The following FAM13C variants were observed in gnomAD, a reference collection of about 807,000 sequenced individuals.
FAM13C encodes the protein family with sequence similarity 13 member C.
A neutral mutation model predicts 73.2 loss-of-function variants in FAM13C; 37 were observed. That is an observed-to-expected ratio of 0.51 (90% CI 0.39 to 0.67). The LOEUF (loss-of-function observed/expected upper bound fraction) is 0.67, where lower values mean the gene tolerates loss of function less well. Among genes scored for constraint, FAM13C ranks in the 30% least tolerant of loss-of-function variants. The pLI is 0.00. For missense variants in FAM13C, 589 were observed against 715.6 expected (o/e 0.82, Z 2.02); for synonymous variants, 246 against 260.9 (o/e 0.94, Z 0.55).
chr10:59,360,013 TG>T (rs1856201114), intron 1 of FAM13C, among the ~76,000 whole-genome samples: 1 of 152,134 alleles, frequency 6.6e-6, no homozygotes, highest in Admixed American at 6.5e-5. Flanking sequence ...ATGAAAACAT[TG>T]GGGTGGAAAA....
intron 3 of FAM13C, among the ~76,000 whole-genome samples, chr10:59,347,824 G>C (rs1013837621): frequency 6.6e-6 from 1 of 152,082 alleles, no homozygotes; most frequent in African/African-American, 2.4e-5. Context: ...ATGGTTTCCA[G>C]CTTCATCCAT....
At chr10:59,348,248 A>G (rs570942360) in intron 3 of FAM13C, among the ~76,000 whole-genome samples, 58 of 152,346 alleles carry the variant, frequency 3.8e-4, no homozygotes, top group African/African-American at 1.4e-3. Context: ...ATTAGAACTC[A>G]GTGTTTTGAT....
intron 3 of FAM13C, among the ~76,000 whole-genome samples, chr10:59,326,953 T>C (rs1447578197): frequency 6.6e-6 from 1 of 152,212 alleles, no homozygotes. Context: ...TTCTAAGATA[T>C]CATCAATTAT....
rs374414294 is a variant in FAM13C at position 59,283,000 on chromosome 10, T to C, written c.592+363A>G. Among the ~76,000 whole-genome samples, 4 of 152,220 alleles carry C rather than the reference T, an allele frequency of 2.6e-5. No homozygotes were observed. In the South Asian group the frequency reaches 8.3e-4, roughly 32 times the overall value. On this transcript the variant is annotated intron_variant, in intron 6 of 13. Coordinates refer to ENST00000618804, the MANE Select transcript of FAM13C (RefSeq NM_198215.4). ...ATCCTCAACACATCAAAAAGAAGAA[T>C]TTCAAGACAGCACAGGTTATCTAGG... is the stretch of plus-strand genomic sequence containing the variant.
intron 3 of FAM13C, among the ~76,000 whole-genome samples, chr10:59,325,808 C>T (rs1361643301): frequency 6.6e-6 from 1 of 152,056 alleles, no homozygotes; most frequent in African/African-American, 2.4e-5. Context: ...GAACCTAGTG[C>T]TCAGTTAATC....
At chr10:59,262,119 T>C (rs1272295038) in intron 10 of FAM13C, among the ~76,000 whole-genome samples, 1 of 152,192 alleles carries the variant, frequency 6.6e-6, no homozygotes, top group Non-Finnish European at 1.5e-5. Context: ...ACTATGCCTA[T>C]TTCCTAGTCT....
intron 6 of FAM13C, among the ~76,000 whole-genome samples, chr10:59,272,605 G>T (rs1226834755): frequency 6.6e-6 from 1 of 152,182 alleles, no homozygotes; most frequent in African/African-American, 2.4e-5. Context: ...GGGGCAGCTT[G>T]CCAGGACTCA....
At chr10:59,299,567 T>C (rs1847313985) in intron 5 of FAM13C, among the ~76,000 whole-genome samples, 1 of 152,096 alleles carries the variant, frequency 6.6e-6, no homozygotes, top group African/African-American at 2.4e-5. Flanking sequence ...AAATATGTTA[T>C]TTTTCTTAAT....
At chr10:59,347,759 T>C (rs1854505783) in intron 3 of FAM13C, among the ~76,000 whole-genome samples, 1 of 151,818 alleles carries the variant, frequency 6.6e-6, no homozygotes, top group African/African-American at 2.4e-5. Flanking sequence ...CTCCCACTTA[T>C]GAGTGAGAAC....
intron 3 of FAM13C, among the ~76,000 whole-genome samples, chr10:59,331,125 C>T (rs765225454): frequency 6.6e-6 from 1 of 152,136 alleles, no homozygotes; most frequent in Non-Finnish European, 1.5e-5. Context: ...GTCAAGTTAG[C>T]AGTGGCAATG....
chr10:59,255,900 ACTT>A (rs1180570055), intron 10 of FAM13C, among the ~76,000 whole-genome samples: 1 of 152,122 alleles, frequency 6.6e-6, no homozygotes, highest in African/African-American at 2.4e-5. Context: ...CATATCACAT[ACTT>A]CTTTAAATTC....
intron 5 of FAM13C, among the ~76,000 whole-genome samples, chr10:59,284,014 C>G (rs1354419646): frequency 6.7e-6 from 1 of 149,740 alleles, no homozygotes; most frequent in Non-Finnish European, 1.5e-5. Flanking sequence ...CCCTAGTCCA[C>G]ATTGGTATGC....
chr10:59,266,944 C>A (rs1727111018), intron 8 of FAM13C, among the ~76,000 whole-genome samples: 1 of 152,132 alleles, frequency 6.6e-6, no homozygotes, highest in Non-Finnish European at 1.5e-5. Context: ...TTCCTTTGTA[C>A]CAAACACTGT....
At chr10:59,270,909 C>T (rs1016380495) in intron 6 of FAM13C, among the ~76,000 whole-genome samples, 1 of 152,174 alleles carries the variant, frequency 6.6e-6, no homozygotes, top group Non-Finnish European at 1.5e-5. Context: ...ATCTCTGTCC[C>T]TGAATTCTCA....
intron 6 of FAM13C, 78 bp downstream of exon 6, chr10:59,283,285 C>T: frequency 6.8e-7 from 1 of 1,480,698 alleles, no homozygotes; most frequent in Non-Finnish European, 9.4e-7. Flanking sequence ...CTCAGGGGCT[C>T]AGGCTGAGTG....
intron 3 of FAM13C, among the ~76,000 whole-genome samples, chr10:59,337,676 T>C (rs1473539683): frequency 1.8e-4 from 13 of 73,190 alleles, no homozygotes; most frequent in South Asian, 1.2e-3. Flanking sequence ...TCTTTTTTTT[T>C]TTTTTTTTTT....
At chr10:59,303,981 C>G (rs191365457) in intron 4 of FAM13C, among the ~76,000 whole-genome samples, 13 of 152,170 alleles carry the variant, frequency 8.5e-5, no homozygotes, top group African/African-American at 2.9e-4. Flanking sequence ...AACCCTGTCT[C>G]TACTAAAAGT....
At position 59,362,399 on chromosome 10, in the gene FAM13C, T is replaced by A. The variant is rs769234180; in HGVS notation, c.62A>T (p.Glu21Val). ...DNSFSSTTVT[E>V]CDEDPVSLHE... ...AATTTTAATGGTAAGAATCACTTAC[T>A]CTGTTACAGTGGTGCTGCTGAAGGA... Residue 21 changes from glutamate to valine, a missense_variant and splice_region_variant, in exon 1 of 14, where the codon GAG becomes GTG. By Grantham distance (121) the Glu-to-Val change is moderately radical. Coordinates refer to ENST00000618804, the MANE Select transcript of FAM13C (RefSeq NM_198215.4). 3.1e-6 allele frequency: 5 copies of A among 1,613,848 alleles called. No homozygotes were observed. The highest frequency in any genetic ancestry group is 3.4e-6 in the Non-Finnish European group (4 of 1,179,956).
chr10:59,303,330 C>T (rs1481664005), intron 4 of FAM13C, among the ~76,000 whole-genome samples: 1 of 152,306 alleles, frequency 6.6e-6, no homozygotes, highest in East Asian at 1.9e-4. Flanking sequence ...CAGTCCTGTA[C>T]ATTTTCTTCT....
Sources: gnomAD v4.1 joint callset for allele counts (sites outside exome capture counted in the v4.1 genomes callset) on GRCh38, gnomAD v4.1.1 for gene constraint, MANE v1.5 for transcripts, NCBI Gene and HGNC (gene_info 2026-07-23, HGNC 2026-07-21) for gene names.